The following MED13L variants were observed in gnomAD, a reference collection of about 807,000 sequenced individuals.
MED13L encodes the protein mediator of RNA polymerase II transcription subunit 13-like.
Under a neutral mutation model 220.9 loss-of-function variants are expected in MED13L, and 7 were observed. The observed-to-expected ratio is 0.03, with a 90% CI of 0.02 to 0.06. The LOEUF is 0.06. Among genes scored for constraint, MED13L ranks in the 10% least tolerant of loss-of-function variants. The pLI is 1.00. For missense variants in MED13L, 1,965 were observed against 2,760.5 expected (o/e 0.71, Z 6.46); for synonymous variants, 1,011 against 1,015.2 (o/e 1.00, Z 0.08).
intron 2 of MED13L, among the ~76,000 whole-genome samples, chr12:116,196,058 G>A (rs1227180598): frequency 6.6e-6 from 1 of 151,874 alleles, no homozygotes; most frequent in African/African-American, 2.4e-5. Context: ...AAGGTTCAAT[G>A]ATATATTTAA....
At chr12:116,117,384 G>C (rs898845390) in intron 2 of MED13L, among the ~76,000 whole-genome samples, 1 of 152,098 alleles carries the variant, frequency 6.6e-6, no homozygotes, top group African/African-American at 2.4e-5. Context: ...GCATACATTT[G>C]TGCAAACGCG....
At chr12:116,238,607 G>C (rs564120171) in intron 1 of MED13L, among the ~76,000 whole-genome samples, 2 of 152,184 alleles carry the variant, frequency 1.3e-5, no homozygotes, top group South Asian at 2.1e-4. Flanking sequence ...CCTTACTCAC[G>C]CATCTCCTTC....
chr12:116,267,096 A>T (rs887514169), intron 1 of MED13L, among the ~76,000 whole-genome samples: 2 of 152,218 alleles, frequency 1.3e-5, no homozygotes, highest in African/African-American at 2.4e-5. Flanking sequence ...TTAAAGTTCA[A>T]AGAGCACTCC....
At chr12:116,106,563 G>A (rs1482742470) in intron 3 of MED13L, among the ~76,000 whole-genome samples, 1 of 152,158 alleles carries the variant, frequency 6.6e-6, no homozygotes, top group Admixed American at 6.5e-5. Flanking sequence ...GATATTATAA[G>A]GCTGGGTACA....
At chr12:115,986,090 T>G (rs1877669986) in intron 19 of MED13L, among the ~76,000 whole-genome samples, 176 bp downstream of exon 19, 1 of 152,186 alleles carries the variant, frequency 6.6e-6, no homozygotes, top group Non-Finnish European at 1.5e-5. Flanking sequence ...AAAGCAAAGA[T>G]GGGAAAGCAA....
intron 2 of MED13L, among the ~76,000 whole-genome samples, chr12:116,208,572 T>C (rs1278228503): frequency 2.6e-5 from 4 of 152,242 alleles, no homozygotes; most frequent in Non-Finnish European, 5.9e-5. Flanking sequence ...CTTCAAATGC[T>C]ATTTAAATCA....
intron 4 of MED13L, among the ~76,000 whole-genome samples, chr12:116,077,487 A>G (rs1028825664): frequency 2.6e-5 from 4 of 152,220 alleles, no homozygotes; most frequent in African/African-American, 9.6e-5. Flanking sequence ...ACAGTCATAT[A>G]TGCATATACT....
chr12:116,104,445 T>C (rs1213850565), intron 3 of MED13L, among the ~76,000 whole-genome samples: 1 of 152,244 alleles, frequency 6.6e-6, no homozygotes, highest in African/African-American at 2.4e-5. Context: ...TTATTTTCAC[T>C]GTATATTCCA....
intron 4 of MED13L, among the ~76,000 whole-genome samples, chr12:116,035,998 T>C (rs566523843): frequency 6.6e-6 from 1 of 152,304 alleles, no homozygotes; most frequent in South Asian, 2.1e-4. Context: ...TTCACAGGGC[T>C]TGTCATAATT....
chr12:116,143,185 G>C (rs1427867478), intron 2 of MED13L, among the ~76,000 whole-genome samples: 1 of 152,026 alleles, frequency 6.6e-6, no homozygotes, highest in Non-Finnish European at 1.5e-5. Flanking sequence ...AAGAAATACA[G>C]ATACTAAAGG....
Position 115,983,523 on chromosome 12 carries a change from G to C in MED13L, c.4549C>G (p.Leu1517Val). Residue 1517 changes from leucine (L) to valine (V), a missense_variant, in exon 21 of 31, where the codon CTG (leucine) becomes GTG (valine). This residue lies in a region of MED13L where 510 missense variants were observed against 620.4 expected (regional missense o/e 0.82). Transcript: ENST00000281928. ...RHHLAPYLAT[L>V]QLDSSLLIPP... ...ATCAATAGGCTGCTATCAAGCTGCA[G>C]AGTGGCTAAATAAGGTGCTGAAAGA... The C allele has an allele frequency of 6.2e-7, 1 of 1,614,140 alleles. No homozygotes were observed. Among genetic ancestry groups the C allele is most frequent in the Non-Finnish European group, 8.5e-7 (1 of 1,180,024 alleles).
intron 2 of MED13L, among the ~76,000 whole-genome samples, chr12:116,167,444 C>G (rs1160312449): frequency 6.6e-6 from 1 of 152,150 alleles, no homozygotes; most frequent in African/African-American, 2.4e-5. Flanking sequence ...AATTTTTCCT[C>G]TTTAGAGCTA....
intron 2 of MED13L, among the ~76,000 whole-genome samples, chr12:116,139,561 A>AC (rs1156784229): frequency 6.6e-6 from 1 of 152,226 alleles, no homozygotes; most frequent in East Asian, 1.9e-4. Context: ...TCTTACAGTT[A>AC]CCATAAAATA....
rs751789849 is a variant in MED13L, at chr12:115,975,375, C to T, written c.5589-62G>A. 16 of 1,610,984 alleles carry T rather than the reference C, an allele frequency of 9.9e-6. No homozygotes were observed. The Middle Eastern group carries it at 6.6e-4, about 67-fold the overall frequency. On this transcript the variant is annotated intron_variant, in intron 24 of 30. Transcript: ENST00000281928. ...CTAGATAAATCAGAGTTATTTATCA[C>T]TTATAAGACAAACACTAGAAATTCC...
Position 116,241,035 on chromosome 12 carries a change from G to A in MED13L, c.73-3330C>T, listed in dbSNP as rs548743198. ...ATAAAAACACACCAATAGGCCAGGC[G>A]CAGTGGCTCACGCCTGTAATCCCAG... is the stretch of plus-strand genomic sequence containing the variant. On this transcript the variant is annotated intron_variant, in intron 1 of 30. Transcript: ENST00000281928. Among the ~76,000 whole-genome samples the A allele has an allele frequency of 1.3e-4, 20 of 151,948 alleles. No individual in the cohort carries two copies. In the East Asian group the frequency reaches 2.4e-3, roughly 18 times the overall value.
chr12:116,032,465 C>T (rs886253856), intron 4 of MED13L, among the ~76,000 whole-genome samples: 1 of 152,200 alleles, frequency 6.6e-6, no homozygotes, highest in African/African-American at 2.4e-5. Flanking sequence ...TAATCCCCAA[C>T]ACCCAGCCCC....
intron 3 of MED13L, among the ~76,000 whole-genome samples, chr12:116,101,558 T>C (rs896102812): frequency 1.3e-5 from 2 of 152,206 alleles, no homozygotes; most frequent in African/African-American, 4.8e-5. Context: ...ATCTACATAT[T>C]TCAATTCTTT....
intron 3 of MED13L, among the ~76,000 whole-genome samples, chr12:116,105,508 T>C (rs1873487824): frequency 6.6e-6 from 1 of 152,204 alleles, no homozygotes; most frequent in Non-Finnish European, 1.5e-5. Context: ...GATCTAAAAC[T>C]ATAAAATTCA....
intron 2 of MED13L, among the ~76,000 whole-genome samples, chr12:116,227,803 C>T (rs983586574): frequency 6.6e-6 from 1 of 152,122 alleles, no homozygotes. Context: ...AACTGCCCAT[C>T]TCTTACTTTA....
Sources: gnomAD v4.1 joint callset for allele counts (sites outside exome capture counted in the v4.1 genomes callset) on GRCh38, gnomAD v4.1.1 for gene constraint, gnomAD v4.1.1 regional missense constraint, MANE v1.5 for transcripts, NCBI Gene and HGNC (gene_info 2026-07-23, HGNC 2026-07-21) for gene names.